The following PRKN variants were observed in gnomAD, a reference collection of about 807,000 sequenced individuals.
PRKN encodes parkin RBR E3 ubiquitin protein ligase, also known as E3 ubiquitin-protein ligase parkin.
A neutral mutation model predicts 59.5 loss-of-function variants in PRKN; 56 were observed. The ratio of observed to expected loss-of-function variants is 0.94; its 90% CI spans 0.76 to 1.18. PRKN has a LOEUF of 1.18. Ranked by LOEUF, PRKN falls within the 50% of genes most tolerant of loss-of-function variation. PRKN has a pLI of 0.00. For missense variants in PRKN, 657 were observed against 596.4 expected, an observed-to-expected ratio of 1.10 and a Z score of -1.06; for synonymous variants, 250 against 222.1, an observed-to-expected ratio of 1.13 and a Z score of -1.12.
At chr6:162,512,535 A>C (rs2128190848) in intron 1 of PRKN, among the ~76,000 whole-genome samples, 1 of 152,338 alleles carries the variant, frequency 6.6e-6, no homozygotes, top group Non-Finnish European at 1.5e-5. Context: ...AATACCTGGG[A>C]GTCACAATGT....
chr6:162,084,767 G>A lies in PRKN; in HGVS notation c.535-30593C>T, dbSNP rs758953110. 5.9e-5 allele frequency among the ~76,000 whole-genome samples: 9 copies of A among 151,920 alleles called. 1 individual carries two copies. Among genetic ancestry groups the A allele is most frequent in the African/African-American group, 1.2e-4 (5 of 41,292 alleles). On this transcript the variant is annotated intron_variant, in intron 4 of 11. Coordinates refer to ENST00000366898, the MANE Select transcript of PRKN (RefSeq NM_004562.3). Reference sequence around the variant, plus strand: ...AGGAACTGTGGCATCTCTATAGTGTGTATTTAAAAAATACTCAAGCAAACT... The same window carrying A: ...AGGAACTGTGGCATCTCTATAGTGTATATTTAAAAAATACTCAAGCAAACT...
At chr6:161,740,503 C>T (rs1332433783) in intron 7 of PRKN, among the ~76,000 whole-genome samples, 1 of 152,212 alleles carries the variant, frequency 6.6e-6, no homozygotes, top group Non-Finnish European at 1.5e-5. Flanking sequence ...GACAGATATG[C>T]CTCTGGGCCA....
intron 2 of PRKN, among the ~76,000 whole-genome samples, chr6:162,320,313 T>C (rs538833489): frequency 4.3e-4 from 52 of 120,580 alleles, no homozygotes; most frequent in Admixed American, 1.1e-3. Context: ...TTCCTTTGGG[T>C]AGATACCCAG....
At chr6:162,488,820 T>G (rs772303758) in intron 1 of PRKN, among the ~76,000 whole-genome samples, 41 of 152,116 alleles carry the variant, frequency 2.7e-4, no homozygotes, top group Non-Finnish European at 5.3e-4. Flanking sequence ...GAATCCATAG[T>G]CAAGCAATGA....
In PRKN at chr6:161,454,862, T is replaced by A. The variant is rs189362513; in HGVS notation, c.1084-67985A>T. 2.4e-4 allele frequency among the ~76,000 whole-genome samples: 37 copies of A among 152,300 alleles called. No homozygotes were observed. The East Asian group carries it at 7.1e-3, about 29-fold the overall frequency. On this transcript the variant is annotated intron_variant, in intron 9 of 11. Coordinates refer to ENST00000366898, the MANE Select transcript of PRKN (RefSeq NM_004562.3). The surrounding 1 kb of genome is among the most constrained non-coding windows in gnomAD (Gnocchi z 4.6). Reference sequence around the variant, plus strand: ...AAACCATCTAGCCTGTCTAAAGTCATCCTTCCACTCCCCCAGTTGTCTCAG... The same window carrying A: ...AAACCATCTAGCCTGTCTAAAGTCAACCTTCCACTCCCCCAGTTGTCTCAG...
At chr6:162,025,144 T>G (rs1327053933) in intron 5 of PRKN, among the ~76,000 whole-genome samples, 1 of 151,358 alleles carries the variant, frequency 6.6e-6, no homozygotes, top group Non-Finnish European at 1.5e-5. Flanking sequence ...GCCTCCCGAG[T>G]AGCTGGGACT....
At chr6:161,728,795 A>C (rs1448744674) in intron 7 of PRKN, among the ~76,000 whole-genome samples, 1 of 152,174 alleles carries the variant, frequency 6.6e-6, no homozygotes, top group Non-Finnish European at 1.5e-5. Flanking sequence ...TCCCAGCTCC[A>C]CTATTCTTCA....
rs939731148 is a variant in PRKN at position 161,378,168 on chromosome 6, G to A, written c.1167+8626C>T. On this transcript the variant is annotated intron_variant, in intron 10 of 11. Transcript: ENST00000366898. This position sits in a 1 kb window ranked among gnomAD's most constrained non-coding sequence, Gnocchi z 7.3. ...GGCACGTGGACAGACCCATGGGAGG[G>A]GCAGGACATGTCCGCATGTTTGCAC... 3.9e-5 allele frequency among the ~76,000 whole-genome samples: 6 copies of A among 152,110 alleles called. No homozygotes were observed. Among genetic ancestry groups the A allele is most frequent in the Non-Finnish European group, 7.4e-5 (5 of 68,024 alleles).
At chr6:162,333,168 C>T (rs1783666570) in intron 2 of PRKN, among the ~76,000 whole-genome samples, 2 of 151,820 alleles carry the variant, frequency 1.3e-5, no homozygotes, top group South Asian at 2.1e-4. Flanking sequence ...GGACAAGTTA[C>T]TCTTTCTCTG....
At chr6:161,718,710 T>C (rs762364372) in intron 7 of PRKN, among the ~76,000 whole-genome samples, 1 of 152,124 alleles carries the variant, frequency 6.6e-6, no homozygotes, top group Non-Finnish European at 1.5e-5. Flanking sequence ...CTGATACCTG[T>C]TGTAAACAGG....
chr6:162,242,231 T>TATGATTCCTCATTCTAAGTATAGA (rs1779016429), intron 3 of PRKN, among the ~76,000 whole-genome samples: 1 of 152,114 alleles, frequency 6.6e-6, no homozygotes, highest in Non-Finnish European at 1.5e-5. Context: ...TTCACTGTTG[T>TATGATTCCTCATTCTAAGTATAGA]ATGTGTGATT....
chr6:161,901,447 G>A (rs1011672524), intron 6 of PRKN, among the ~76,000 whole-genome samples: 4 of 152,024 alleles, frequency 2.6e-5, no homozygotes, highest in African/African-American at 7.2e-5. Flanking sequence ...GAGTAAATTC[G>A]TCTCATTTTC....
At chr6:162,250,565 G>A (rs1396733900) in intron 3 of PRKN, among the ~76,000 whole-genome samples, 1 of 152,188 alleles carries the variant, frequency 6.6e-6, no homozygotes, top group Non-Finnish European at 1.5e-5. Context: ...CACTTCCACT[G>A]ATCCTAAGAT....
intron 6 of PRKN, among the ~76,000 whole-genome samples, chr6:161,806,801 G>A (rs566847627): frequency 2.7e-4 from 41 of 152,282 alleles, no homozygotes; most frequent in Middle Eastern, 3.4e-3. Flanking sequence ...AGAAAACACA[G>A]ACCCTTCTTC....
At chr6:162,494,045 G>A (rs538219651) in intron 1 of PRKN, among the ~76,000 whole-genome samples, 4 of 152,244 alleles carry the variant, frequency 2.6e-5, no homozygotes, top group South Asian at 4.1e-4. Flanking sequence ...CATCTATTTC[G>A]TCTTTCCTGC....
At chr6:162,339,681 C>T (rs912060338) in intron 2 of PRKN, among the ~76,000 whole-genome samples, 21 of 152,132 alleles carry the variant, frequency 1.4e-4, no homozygotes, top group Admixed American at 2.6e-4. Context: ...ACAATGGTGG[C>T]TTTGTGGAAT....
chr6:161,472,775 T>C (rs2115199327), intron 9 of PRKN, among the ~76,000 whole-genome samples: 1 of 152,222 alleles, frequency 6.6e-6, no homozygotes, highest in African/African-American at 2.4e-5. Flanking sequence ...ATATCCAAAA[T>C]GTAAAATAAA....
intron 4 of PRKN, among the ~76,000 whole-genome samples, chr6:162,131,229 A>C: frequency 6.6e-6 from 1 of 152,190 alleles, no homozygotes; most frequent in East Asian, 1.9e-4. Context: ...AGGAGATCAC[A>C]TGATGACACC....
intron 6 of PRKN, among the ~76,000 whole-genome samples, chr6:161,870,165 T>C (rs1794286523): frequency 6.6e-6 from 1 of 152,174 alleles, no homozygotes; most frequent in Non-Finnish European, 1.5e-5. Flanking sequence ...CAGGGTGGTA[T>C]GGTCATAGAC....
Sources: allele counts gnomAD v4.1 joint callset (sites outside exome capture counted in the v4.1 genomes callset), GRCh38; gene constraint gnomAD v4.1.1; non-coding constraint Gnocchi (gnomAD v3.1); transcripts MANE v1.5; gene names NCBI Gene and HGNC (gene_info 2026-07-23, HGNC 2026-07-21).